The following ENTPD7 variants were observed in gnomAD, a reference collection of about 807,000 sequenced individuals.
ENTPD7 encodes NTPDase 7.
ENTPD7 carries 53 observed loss-of-function variants against 77.9 expected under a neutral mutation model. The ratio of observed to expected loss-of-function variants is 0.68; its 90% CI spans 0.55 to 0.85. The LOEUF (loss-of-function observed/expected upper bound fraction) is 0.85, where lower values mean the gene tolerates loss of function less well. Among genes scored for constraint, ENTPD7 ranks in the 40% least tolerant of loss-of-function variants. ENTPD7 has a pLI of 0.00. For missense variants in ENTPD7, 636 were observed against 743.7 expected (o/e 0.86, Z 1.68); for synonymous variants, 248 against 274.9 (o/e 0.90, Z 0.97).
chr10:99,702,677 A>G lies in ENTPD7; in HGVS notation c.1583+4A>G. On this transcript the variant is annotated splice_donor_region_variant and intron_variant, in intron 12 of 12. Coordinates refer to ENST00000370489, the MANE Select transcript of ENTPD7 (RefSeq NM_020354.5). ...AAACACGATTCTTACCACTCAGGTA[A>G]AGTAAGACTGACCAATCTGGTATCT... The G allele has an allele frequency of 1.2e-6, 2 of 1,603,816 alleles. No homozygotes were observed. The highest frequency in any genetic ancestry group is 1.3e-5 in the African/African-American group (1 of 74,442).
In ENTPD7 at chr10:99,693,998, A is replaced by G. The variant is rs533857392; in HGVS notation, c.844-1958A>G. Among the ~76,000 whole-genome samples the G allele has an allele frequency of 3.3e-5, 5 of 152,270 alleles. No individual in the cohort carries two copies. In the South Asian group the frequency reaches 1.0e-3, roughly 32 times the overall value. On this transcript the variant is annotated intron_variant, in intron 8 of 12. Coordinates refer to ENST00000370489, the MANE Select transcript of ENTPD7 (RefSeq NM_020354.5). Reference sequence around the variant, plus strand: ...TCTTAGTGCTTGGTAAAAATGAAAGAAACTGTGAGACAATGGCATTTAAAA... The same window carrying G: ...TCTTAGTGCTTGGTAAAAATGAAAGGAACTGTGAGACAATGGCATTTAAAA...
intron 6 of ENTPD7, among the ~76,000 whole-genome samples, chr10:99,687,091 A>G (rs1002711825): frequency 6.8e-6 from 1 of 147,590 alleles, no homozygotes; most frequent in Non-Finnish European, 1.5e-5. Flanking sequence ...CTAATTTTGT[A>G]TTTTTAGTAG....
intron 5 of ENTPD7, among the ~76,000 whole-genome samples, chr10:99,683,470 AAT>A (rs1231836961): frequency 1.3e-5 from 2 of 152,222 alleles, no homozygotes; most frequent in Non-Finnish European, 2.9e-5. Context: ...TGTTTAATAA[AAT>A]AATAATTTTT....
intron 3 of ENTPD7, among the ~76,000 whole-genome samples, chr10:99,678,872 G>C (rs2133458690): frequency 6.7e-6 from 1 of 148,482 alleles, no homozygotes; most frequent in East Asian, 2.0e-4. Context: ...GAAAAGAAGT[G>C]ATTAAGATTG....
intron 3 of ENTPD7, among the ~76,000 whole-genome samples, chr10:99,662,323 A>T (rs1306854446): frequency 1.3e-5 from 2 of 151,992 alleles, no homozygotes; most frequent in African/African-American, 4.8e-5. Flanking sequence ...TTGGCTTATT[A>T]GATATAACTT....
intron 10 of ENTPD7, 95 bp downstream of exon 10, chr10:99,698,953 C>A: frequency 8.8e-7 from 1 of 1,135,280 alleles, no homozygotes; most frequent in Non-Finnish European, 1.2e-6. Flanking sequence ...GCTTTGCATA[C>A]AGAATCTCAC....
At chr10:99,704,382 CA>C (rs2036205234) in intron 12 of ENTPD7, 69 bp from the exon 13 acceptor site, 1 of 1,505,398 alleles carries the variant, frequency 6.6e-7, no homozygotes, top group Admixed American at 1.7e-5. Flanking sequence ...CTGGGCCTTT[CA>C]AATCAGTAAA....
At chr10:99,679,571 A>T (rs1314629860) in intron 4 of ENTPD7, 105 bp downstream of exon 4, 1 of 1,428,894 alleles carries the variant, frequency 7.0e-7, no homozygotes, top group Non-Finnish European at 9.4e-7. Context: ...AGTCTGGGTA[A>T]TGGGAGGGAT....
chr10:99,685,928 C>T (rs756966654), intron 6 of ENTPD7, 33 bp downstream of exon 6: 3 of 1,454,136 alleles, frequency 2.1e-6, no homozygotes, highest in Non-Finnish European at 2.9e-6. Flanking sequence ...GCTGGTTAAC[C>T]TCTAAGCCAA....
intron 3 of ENTPD7, among the ~76,000 whole-genome samples, chr10:99,664,299 C>T (rs1590035984): frequency 6.6e-6 from 1 of 152,010 alleles, no homozygotes; most frequent in African/African-American, 2.4e-5. Flanking sequence ...CTCACTCTGT[C>T]ACCCAGGCTG....
chr10:99,689,164 C>A (rs894925981), intron 7 of ENTPD7, among the ~76,000 whole-genome samples: 2 of 151,850 alleles, frequency 1.3e-5, no homozygotes, highest in Non-Finnish European at 2.9e-5. Flanking sequence ...AAAAATATAT[C>A]CATAATGCCA....
At chr10:99,698,490 G>C (rs2036033785) in intron 9 of ENTPD7, 44 bp from the exon 10 acceptor site, 1 of 1,559,634 alleles carries the variant, frequency 6.4e-7, no homozygotes, top group Admixed American at 1.7e-5. Flanking sequence ...TTGAATACAG[G>C]CATGACGTGT....
Position 99,708,259 on chromosome 10 carries a change from T to C in ENTPD7, c.*3576T>C, listed in dbSNP as rs951647688. 2.6e-5 allele frequency among the ~76,000 whole-genome samples: 4 copies of C among 152,374 alleles called. No individual in the cohort carries two copies. Among genetic ancestry groups the C allele is most frequent in the Admixed American group, 2.0e-4 (3 of 15,302 alleles). On this transcript the variant is annotated 3_prime_UTR_variant, in exon 13 of 13. Coordinates refer to ENST00000370489, the MANE Select transcript of ENTPD7 (RefSeq NM_020354.5). ...CATGCACTTGCTAAGCTAGTGTTTTTAGGCATTAACATTTATTATCACATC... is the reference window on the plus strand; with the variant it reads ...CATGCACTTGCTAAGCTAGTGTTTTCAGGCATTAACATTTATTATCACATC...
chr10:99,689,656 G>A (rs1214525134), intron 7 of ENTPD7, among the ~76,000 whole-genome samples: 2 of 152,140 alleles, frequency 1.3e-5, no homozygotes, highest in African/African-American at 4.8e-5. Flanking sequence ...CTCACTTTTT[G>A]TCATGCTCAG....
In ENTPD7 at chr10:99,709,113, C is replaced by T. The variant is rs2036309450; in HGVS notation, c.*4430C>T. ...TTTTAAAACAATTTTATACAATTTC[C>T]TTTACTACAACATCCAAGCAATTCA... is the stretch of plus-strand genomic sequence containing the variant. On this transcript the variant is annotated 3_prime_UTR_variant, in exon 13 of 13. Coordinates refer to ENST00000370489, the MANE Select transcript of ENTPD7 (RefSeq NM_020354.5). 1 of 982,430 alleles carries T rather than the reference C, an allele frequency of 1.0e-6. No homozygotes were observed. Among genetic ancestry groups the T allele is most frequent in the Non-Finnish European group, 1.2e-6 (1 of 827,424 alleles). 60.9% of individuals were successfully genotyped at this position (982,430 alleles called of 1,614,324 possible). A position where few individuals can be genotyped will look rare whatever the true frequency, so the allele number is the denominator to read the frequency against.
intron 11 of ENTPD7, among the ~76,000 whole-genome samples, chr10:99,702,039 A>T (rs2036144990): frequency 6.6e-6 from 1 of 151,690 alleles, no homozygotes; most frequent in Admixed American, 6.6e-5. Flanking sequence ...ACAGAGTGAG[A>T]CTCTGTCTCA....
At chr10:99,685,975 T>G in intron 6 of ENTPD7, 80 bp downstream of exon 6, 1 of 856,892 alleles carries the variant, frequency 1.2e-6, no homozygotes, top group Non-Finnish European at 1.8e-6. Context: ...TTTAGAATTA[T>G]TCTATATATC....
chr10:99,661,065 A>C (rs1402362424), intron 2 of ENTPD7, among the ~76,000 whole-genome samples: 2 of 152,198 alleles, frequency 1.3e-5, no homozygotes, highest in Non-Finnish European at 2.9e-5. Context: ...TAATCTGGTA[A>C]AACATTTTTA....
rs1010437262 is a variant in ENTPD7 at position 99,708,964 on chromosome 10, A to G, written c.*4281A>G. 1.1e-4 allele frequency: 106 copies of G among 985,306 alleles called. No individual in the cohort carries two copies. The African/African-American group carries it at 1.8e-3, about 17-fold the overall frequency. 61.0% of individuals were successfully genotyped at this position (985,306 alleles called of 1,614,324 possible). A position where few individuals can be genotyped will look rare whatever the true frequency, so the allele number is the denominator to read the frequency against. ...CAACTGCTTCTGACATTCATTTATG[A>G]CTGCTTTGCTCACATTTAGGAATAA... is the stretch of plus-strand genomic sequence containing the variant. On this transcript the variant is annotated 3_prime_UTR_variant, in exon 13 of 13. Coordinates refer to ENST00000370489, the MANE Select transcript of ENTPD7 (RefSeq NM_020354.5).
Sources: gnomAD v4.1 joint callset for allele counts (sites outside exome capture counted in the v4.1 genomes callset) on GRCh38, gnomAD v4.1.1 for gene constraint, MANE v1.5 for transcripts, NCBI Gene and HGNC (gene_info 2026-07-23, HGNC 2026-07-21) for gene names.